Variants in NUDC observed in about 807,000 individuals in gnomAD.
NUDC encodes nuclear distribution C, dynein complex regulator, also known as nuclear migration protein nudC.
In NUDC, 14 loss-of-function variants were observed where a neutral mutation model predicts 45.0. The observed-to-expected ratio is 0.31, with a 90% CI of 0.21 to 0.49. The LOEUF is 0.49. Among genes scored for constraint, NUDC ranks in the 20% least tolerant of loss-of-function variants. The probability of loss-of-function intolerance (pLI) is 0.99; values close to 1 mark genes in which losing one functional copy is unlikely to be tolerated. For missense variants in NUDC, 323 were observed against 426.2 expected, an observed-to-expected ratio of 0.76 and a Z score of 2.13; for synonymous variants, 153 against 156.7, an observed-to-expected ratio of 0.98 and a Z score of 0.17.
At chr1:26,939,088 G>C (rs1454188826) in intron 2 of NUDC, among the ~76,000 whole-genome samples, 1 of 152,156 alleles carries the variant, frequency 6.6e-6, no homozygotes, top group Non-Finnish European at 1.5e-5. Flanking sequence ...CTGCCTCCCG[G>C]GTTCAAGTGA....
chr1:26,911,250 G>A (rs1415134557), intron 3 of NUDC: 3 of 452,612 alleles, frequency 6.6e-6, no homozygotes, highest in Admixed American at 2.5e-5. Context: ...GAGGGCGCCT[G>A]AAGTGGGTAG....
At chr1:26,913,525 G>A in intron 3 of NUDC, 1 of 1,613,564 alleles carries the variant, frequency 6.2e-7, no homozygotes, top group Non-Finnish European at 8.5e-7. Flanking sequence ...GGAGGGCTGG[G>A]GTCTGTCTGG....
At chr1:26,933,967 A>C (rs912278820) in intron 2 of NUDC, among the ~76,000 whole-genome samples, 2 of 152,142 alleles carry the variant, frequency 1.3e-5, no homozygotes, top group African/African-American at 4.8e-5. Flanking sequence ...ATCCTGGCCA[A>C]CATGGTGAAA....
At chr1:26,904,083 TAAA>T (rs962490206) in intron 2 of NUDC, among the ~76,000 whole-genome samples, 6 of 129,486 alleles carry the variant, frequency 4.6e-5, no homozygotes, top group African/African-American at 1.1e-4. Flanking sequence ...AAAATAAAAA[TAAA>T]AAAGTCTAAT....
Position 26,942,577 on chromosome 1 carries a change from CTAGCCCTGGGCTTGGCCCAGTGA to C in NUDC, c.430-82_430-60del, listed in dbSNP as rs566078410. ...TTCTTTTGTGGCTGTATGCCCAGTG[CTAGCCCTGGGCTTGGCCCAGTGA>C]GGGTTCAATCTGTGTCTTGTCTGTC... is the stretch of plus-strand genomic sequence containing the variant. On this transcript the variant is annotated intron_variant, in intron 4 of 8. Transcript: ENST00000321265. 2.8e-3 allele frequency: 4,462 copies of C among 1,601,734 alleles called. 21 individuals carry two copies. The highest frequency in any genetic ancestry group is 8.0e-3 in the Middle Eastern group (38 of 4,724).
At chr1:26,940,973 G>A (rs2082271605) in intron 2 of NUDC, among the ~76,000 whole-genome samples, 1 of 151,620 alleles carries the variant, frequency 6.6e-6, no homozygotes, top group Admixed American at 6.6e-5. Flanking sequence ...CCAGGCTGGA[G>A]TGCAGTGGCA....
intron 1 of NUDC, 41 bp downstream of exon 1, chr1:26,921,970 C>A: frequency 6.5e-7 from 1 of 1,537,118 alleles, no homozygotes; most frequent in South Asian, 1.2e-5. Flanking sequence ...GCGGCCTTGG[C>A]CACGCTCCTT....
At chr1:26,900,294 C>T (rs772863249) in exon 1 of NUDC, 2 of 1,613,910 alleles carry the variant, frequency 1.2e-6, no homozygotes, top group Non-Finnish European at 1.7e-6. Flanking sequence ...AGGCCGATGC[C>T]GGTAGTGGAA....
chr1:26,919,888 T>C (rs567033239), upstream of NUDC, among the ~76,000 whole-genome samples: 36 of 152,210 alleles, frequency 2.4e-4, no homozygotes, highest in Non-Finnish European at 4.3e-4. Context: ...TTTGACGCTA[T>C]GAAGACATTG....
At chr1:26,937,213 C>T (rs1459754679) in intron 2 of NUDC, among the ~76,000 whole-genome samples, 1 of 152,224 alleles carries the variant, frequency 6.6e-6, no homozygotes, top group Admixed American at 6.5e-5. Context: ...GTGTGCCACC[C>T]TCCCGACACC....
intron 2 of NUDC, among the ~76,000 whole-genome samples, chr1:26,931,122 G>T (rs905580823): frequency 2.6e-5 from 4 of 152,004 alleles, no homozygotes; most frequent in Admixed American, 1.3e-4. Flanking sequence ...CTGTTGCCCA[G>T]CCTGGAGTGC....
rs1465497470 is a variant in NUDC, at chr1:26,941,325, C to A, written c.160-132C>A. On this transcript the variant is annotated intron_variant, in intron 2 of 8. Transcript: ENST00000321265. ...AGATAGATGTATTTTCCTCATTTTG[C>A]ACATGAGGAAACCGAGTTTCTGGGT... is the stretch of plus-strand genomic sequence containing the variant. The A allele has an allele frequency of 4.9e-6, 4 of 814,976 alleles. No individual in the cohort carries two copies. The African/African-American group carries it at 6.8e-5, about 14-fold the overall frequency. 50.5% of individuals were successfully genotyped at this position (814,976 alleles called of 1,614,324 possible).
At chr1:26,909,253 G>A (rs932465076) in intron 2 of NUDC, among the ~76,000 whole-genome samples, 4 of 152,164 alleles carry the variant, frequency 2.6e-5, no homozygotes, top group Non-Finnish European at 5.9e-5. Flanking sequence ...GGGATTACAG[G>A]TGTGAGCCAC....
At chr1:26,903,622 C>T (rs1391577614) in intron 2 of NUDC, among the ~76,000 whole-genome samples, 2 of 152,066 alleles carry the variant, frequency 1.3e-5, no homozygotes, top group Admixed American at 6.6e-5. Flanking sequence ...AATCCCATCG[C>T]TTTGAGAGGC....
intron 1 of NUDC, among the ~76,000 whole-genome samples, chr1:26,923,774 T>C (rs535687650): frequency 6.6e-6 from 1 of 152,070 alleles, no homozygotes; most frequent in Admixed American, 6.6e-5. Context: ...CTTGATGGGC[T>C]TTTTACTTTC....
chr1:26,904,035 TTAAA>T (rs1351345779), intron 2 of NUDC, among the ~76,000 whole-genome samples: 6 of 84,722 alleles, frequency 7.1e-5, no homozygotes, highest in African/African-American at 2.6e-4. Context: ...AATAAATAAA[TTAAA>T]TAAATAAATA....
At chr1:26,925,044 C>G (rs888101066) in intron 2 of NUDC, among the ~76,000 whole-genome samples, 2 of 149,624 alleles carry the variant, frequency 1.3e-5, no homozygotes, top group African/African-American at 4.9e-5. Flanking sequence ...CCATGCCTGG[C>G]TAATTTTTGT....
rs372529946 is a variant in NUDC, at chr1:26,921,941, C to T, written c.81+12C>T. ...GCGGCGTGCAGGAGGTAACGGCCCG[C>T]GCGGCGTCGGCCCACCCGGCGGCCT... is the stretch of plus-strand genomic sequence containing the variant. On this transcript the variant is annotated intron_variant, in intron 1 of 8. Transcript: ENST00000321265. The T allele has an allele frequency of 1.9e-6, 3 of 1,549,380 alleles. No individual in the cohort carries two copies. The highest frequency in any genetic ancestry group is 2.6e-6 in the Non-Finnish European group (3 of 1,146,056).
rs71007901 is a variant in NUDC at position 26,905,157 on chromosome 1, ATT to A, written c.-16+2811_-16+2812del. Among the ~76,000 whole-genome samples the A allele has an allele frequency of 9.9e-3, 836 of 84,242 alleles. 6 individuals carry two copies. The highest frequency in any genetic ancestry group is 0.016 in the Non-Finnish European group (712 of 43,744). The allele number at this position is 84,242 out of a possible 152,430, so 55.3% of individuals were successfully genotyped here. On this transcript the variant is annotated intron_variant, in intron 2 of 6. Transcript: ENST00000435827. ...CTGGCCTATTATTATTATTATTATT[ATT>A]TTTTTTTTTTTTTTTTTTTGAGACA...
Sources: gnomAD v4.1 joint callset for allele counts (sites outside exome capture counted in the v4.1 genomes callset) on GRCh38, gnomAD v4.1.1 for gene constraint, MANE v1.5 for transcripts, NCBI Gene and HGNC (gene_info 2026-07-23, HGNC 2026-07-21) for gene names.